EML4: variants seen among roughly 807,000 people sequenced by gnomAD.
EML4 encodes echinoderm microtubule-associated protein-like 4.
In EML4, 72 loss-of-function variants were observed where a neutral mutation model predicts 129.0. That is an observed-to-expected ratio of 0.56 (90% CI 0.46 to 0.68). The LOEUF (loss-of-function observed/expected upper bound fraction) is 0.68. Ranked by LOEUF, EML4 falls within the 30% of genes least tolerant of loss-of-function variation. EML4 has a pLI of 0.00. For synonymous variants in EML4, 532 were observed against 405.0 expected (o/e 1.31, Z -3.77); for missense variants, 1,363 against 1,190.6 (o/e 1.14, Z -2.13).
At chr2:42,265,675 A>AAGCCGTT (rs77579563) in intron 6 of EML4, among the ~76,000 whole-genome samples, 1 of 151,770 alleles carries the variant, frequency 6.6e-6, no homozygotes, top group African/African-American at 2.4e-5. Context: ...TTACCTAGAA[A>AAGCCGTT]TAAACGATTG....
At chr2:42,225,397 G>C (rs778921089) in intron 1 of EML4, among the ~76,000 whole-genome samples, 1 of 152,104 alleles carries the variant, frequency 6.6e-6, no homozygotes, top group Admixed American at 6.5e-5. Context: ...ATTTCTCCAC[G>C]TATGTTCATG....
chr2:42,192,232 G>GTTT (rs1312027435), intron 1 of EML4, among the ~76,000 whole-genome samples: 1 of 126,320 alleles, frequency 7.9e-6, no homozygotes, highest in African/African-American at 3.0e-5. Context: ...TTGTTTTTTT[G>GTTT]TTTTTTTTTT....
At chr2:42,272,216 A>C (rs1666411306) in intron 6 of EML4, among the ~76,000 whole-genome samples, 3 of 152,300 alleles carry the variant, frequency 2.0e-5, no homozygotes, top group South Asian at 4.1e-4. Context: ...AGCCAGGAAG[A>C]GTTGCGGTTG....
At chr2:42,326,981 T>A (rs1572766327) in intron 21 of EML4, among the ~76,000 whole-genome samples, 1 of 152,218 alleles carries the variant, frequency 6.6e-6, no homozygotes, top group East Asian at 1.9e-4. Context: ...ACAAAGAAAC[T>A]CTGTACCCAT....
intron 1 of EML4, among the ~76,000 whole-genome samples, chr2:42,182,994 A>T (rs190463760): frequency 1.3e-5 from 2 of 152,090 alleles, no homozygotes; most frequent in African/African-American, 4.8e-5. Flanking sequence ...GTCTCTACCA[A>T]AAGTACAAAA....
intron 8 of EML4, among the ~76,000 whole-genome samples, chr2:42,283,614 A>G (rs1183547748): frequency 6.6e-6 from 1 of 152,186 alleles, no homozygotes; most frequent in Non-Finnish European, 1.5e-5. Flanking sequence ...TGTCTGTACT[A>G]TGCTGGCACC....
chr2:42,298,282 A>T (rs982538000), intron 13 of EML4, among the ~76,000 whole-genome samples: 1 of 152,236 alleles, frequency 6.6e-6, no homozygotes, highest in African/African-American at 2.4e-5. Context: ...TTTGGCAGGC[A>T]GTGTAAACTT....
chr2:42,293,587 G>A (rs770990171), intron 11 of EML4, among the ~76,000 whole-genome samples: 4 of 151,884 alleles, frequency 2.6e-5, no homozygotes, highest in Non-Finnish European at 5.9e-5. Flanking sequence ...TTTTTAACTC[G>A]GTTCATAAGA....
chr2:42,323,202 T>G (rs1244503904), intron 19 of EML4, among the ~76,000 whole-genome samples: 3 of 152,202 alleles, frequency 2.0e-5, no homozygotes, highest in African/African-American at 7.2e-5. Flanking sequence ...TTGTTAAATC[T>G]TCATCCACGT....
At chr2:42,315,902 A>C in intron 17 of EML4, 60 bp from the exon 18 acceptor site, 1 of 1,277,976 alleles carries the variant, frequency 7.8e-7, no homozygotes. Context: ...AAAAAGAACA[A>C]CTTTTTTTTT....
intron 1 of EML4, among the ~76,000 whole-genome samples, chr2:42,227,124 C>G (rs963758210): frequency 2.0e-5 from 3 of 151,274 alleles, no homozygotes; most frequent in Non-Finnish European, 4.4e-5. Flanking sequence ...TTTTTTTTTC[C>G]CCTTGAGGTA....
chr2:42,197,693 G>T (rs1671976101), intron 1 of EML4, among the ~76,000 whole-genome samples: 1 of 152,088 alleles, frequency 6.6e-6, no homozygotes, highest in Non-Finnish European at 1.5e-5. Context: ...AAAAATTTGA[G>T]AATGATCATT....
At chr2:42,170,143 CG>C in intron 1 of EML4, 1 of 153,300 alleles carries the variant, frequency 6.5e-6, no homozygotes, top group East Asian at 1.9e-4. Context: ...GGGCATCCCC[CG>C]CCCCCAAGTC....
At chr2:42,328,821 T>C in intron 21 of EML4, 65 bp from the exon 22 acceptor site, 1 of 1,282,534 alleles carries the variant, frequency 7.8e-7, no homozygotes, top group Non-Finnish European at 1.1e-6. Flanking sequence ...AAAATAAACA[T>C]ATATAGCATC....
At chr2:42,254,451 C>CT (rs1675989776) in intron 2 of EML4, among the ~76,000 whole-genome samples, 2 of 145,104 alleles carry the variant, frequency 1.4e-5, no homozygotes, top group Non-Finnish European at 3.0e-5. Flanking sequence ...GAGCAAGACT[C>CT]TGTCTCAAAA....
intron 1 of EML4, among the ~76,000 whole-genome samples, chr2:42,195,615 A>G (rs183542765): frequency 1.4e-4 from 21 of 152,322 alleles, no homozygotes; most frequent in Admixed American, 1.4e-3. Context: ...ATTGGCTTAC[A>G]TTTCTGAGAT....
chr2:42,280,994 A>G (rs1218357985), intron 7 of EML4, 21 bp downstream of exon 7: 28 of 1,545,922 alleles, frequency 1.8e-5, no homozygotes, highest in Non-Finnish European at 2.2e-5. Flanking sequence ...CTACCATGAC[A>G]GCAAATTCAT....
chr2:42,296,477 TTCTCTCTCTCTC>T (rs10689031), intron 13 of EML4, among the ~76,000 whole-genome samples: 4 of 148,920 alleles, frequency 2.7e-5, no homozygotes, highest in African/African-American at 9.9e-5. Flanking sequence ...CACCTTATAC[TTCTCTCTCTCTC>T]TCTCTCTCTG....
intron 19 of EML4, among the ~76,000 whole-genome samples, chr2:42,321,472 C>CT (rs769778797): frequency 6.6e-6 from 1 of 152,246 alleles, no homozygotes; most frequent in East Asian, 1.9e-4. Context: ...CGGATCCTTT[C>CT]TTTCTAAGCC....
Sources: allele counts gnomAD v4.1 joint callset (sites outside exome capture counted in the v4.1 genomes callset), GRCh38; gene constraint gnomAD v4.1.1; transcripts MANE v1.5; gene names NCBI Gene and HGNC (gene_info 2026-07-23, HGNC 2026-07-21).